CSMD1: variants seen among roughly 807,000 people sequenced by gnomAD.
CSMD1 encodes the protein CUB and sushi domain-containing protein 1.
In CSMD1, 213 loss-of-function variants were observed where a neutral mutation model predicts 417.5. That is an observed-to-expected ratio of 0.51 (90% CI 0.46 to 0.57). The LOEUF (loss-of-function observed/expected upper bound fraction) is 0.57. CSMD1 is among the 20% of genes least tolerant of loss of function. The pLI is 0.00. For synonymous variants in CSMD1, 2,862 were observed against 1,736.8 expected, an observed-to-expected ratio of 1.65 and a Z score of -16.11; for missense variants, 6,923 against 4,529.7, an observed-to-expected ratio of 1.53 and a Z score of -15.17.
intron 2 of CSMD1, among the ~76,000 whole-genome samples, chr8:4,516,543 G>T (rs1013904167): frequency 4.6e-5 from 7 of 152,046 alleles, no homozygotes; most frequent in Non-Finnish European, 1.0e-4. Flanking sequence ...TCCCCTGCTT[G>T]GTGTGGCCCC....
At chr8:4,622,592 G>C (rs553657260) in intron 2 of CSMD1, among the ~76,000 whole-genome samples, 3 of 152,146 alleles carry the variant, frequency 2.0e-5, no homozygotes, top group African/African-American at 7.2e-5. Flanking sequence ...TGTGTACAAG[G>C]TTTGGTTTCG....
At chr8:4,761,138 C>T (rs79955679) in intron 1 of CSMD1, among the ~76,000 whole-genome samples, 20 of 151,812 alleles carry the variant, frequency 1.3e-4, no homozygotes, top group East Asian at 3.9e-4. Flanking sequence ...GTCTTCTACA[C>T]GTAAAGGAAA....
At position 3,187,980 on chromosome 8, in the gene CSMD1, C is replaced by T. The variant is rs375151073; in HGVS notation, c.5524-15G>A. The T allele has an allele frequency of 6.5e-5, 105 of 1,605,494 alleles. 1 individual carries two copies. In the African/African-American group the frequency reaches 1.1e-3, roughly 17 times the overall value. Reference sequence around the variant, plus strand: ...ATCACTTGGATCTACCAAACCATGACATTAAGTTAATATTTATTTTTGGCT... The same window carrying T: ...ATCACTTGGATCTACCAAACCATGATATTAAGTTAATATTTATTTTTGGCT... On this transcript the variant is annotated splice_polypyrimidine_tract_variant and intron_variant, in intron 35 of 69. Transcript: ENST00000635120.
At chr8:4,457,820 C>A (rs1799578860) in intron 2 of CSMD1, among the ~76,000 whole-genome samples, 1 of 152,092 alleles carries the variant, frequency 6.6e-6, no homozygotes, top group Non-Finnish European at 1.5e-5. Flanking sequence ...ACCTCAGCAC[C>A]CTTGCAGACA....
intron 26 of CSMD1, among the ~76,000 whole-genome samples, chr8:3,258,856 C>T (rs1322773151): frequency 6.6e-6 from 1 of 152,294 alleles, no homozygotes; most frequent in South Asian, 2.1e-4. Context: ...AAACCAAATA[C>T]TGCATGTTTT....
intron 1 of CSMD1, among the ~76,000 whole-genome samples, chr8:4,711,573 A>C (rs12680757): frequency 0.28 from 42,623 of 151,954 alleles, 7,294 homozygotes; most frequent in Non-Finnish European, 0.38. Flanking sequence ...AGAAATTTGA[A>C]AAAAAAATAT....
intron 3 of CSMD1, among the ~76,000 whole-genome samples, chr8:4,252,134 T>TC (rs1803123837): frequency 6.6e-6 from 1 of 152,148 alleles, no homozygotes; most frequent in South Asian, 2.1e-4. Flanking sequence ...ACACACAATT[T>TC]CAGTTTTGTT....
intron 3 of CSMD1, among the ~76,000 whole-genome samples, chr8:4,120,561 G>A (rs117217254): frequency 4.6e-5 from 7 of 152,282 alleles, no homozygotes; most frequent in South Asian, 2.1e-4. Flanking sequence ...CAAAACTGGC[G>A]ACCGGGAGGC....
chr8:4,339,658 T>A (rs758337128), intron 3 of CSMD1, among the ~76,000 whole-genome samples: 8 of 152,104 alleles, frequency 5.3e-5, no homozygotes, highest in Admixed American at 2.0e-4. Context: ...GATGATTCAA[T>A]ATGTTATGTT....
chr8:4,512,850 G>A (rs183729335), intron 2 of CSMD1, among the ~76,000 whole-genome samples: 11 of 151,556 alleles, frequency 7.3e-5, no homozygotes, highest in African/African-American at 2.7e-4. Flanking sequence ...CTGTCAAGTT[G>A]TCAGCTCTTT....
In CSMD1 at chr8:3,099,641, G is replaced by C. The variant is rs138005901; in HGVS notation, c.6950-2604C>G. Among the ~76,000 whole-genome samples the C allele has an allele frequency of 1.5e-3, 222 of 152,318 alleles. 1 individual carries two copies. Among genetic ancestry groups the C allele is most frequent in the African/African-American group, 5.0e-3 (208 of 41,578 alleles). On this transcript the variant is annotated intron_variant, in intron 46 of 69. Transcript: ENST00000635120. ...GGAACTTCAGGCCATCTGGAAGTAA[G>C]AAACCTTTACTGAGTTGCTAAAATC... is the stretch of plus-strand genomic sequence containing the variant.
intron 5 of CSMD1, among the ~76,000 whole-genome samples, chr8:3,935,900 C>A (rs1334599447): frequency 6.6e-6 from 1 of 152,156 alleles, no homozygotes; most frequent in African/African-American, 2.4e-5. Context: ...AAAGATGAGA[C>A]AGGCTGAAAA....
chr8:3,278,613 T>C (rs1379903021), intron 26 of CSMD1: 2 of 152,104 alleles, frequency 1.3e-5, no homozygotes, highest in African/African-American at 2.4e-5. Flanking sequence ...TAGCATGGTT[T>C]ATGAATCACA....
chr8:4,727,986 T>G (rs1036229591), intron 1 of CSMD1, among the ~76,000 whole-genome samples: 2 of 145,114 alleles, frequency 1.4e-5, no homozygotes, highest in East Asian at 3.9e-4. Flanking sequence ...TGTATATATA[T>G]ACAAAATATA....
intron 5 of CSMD1, among the ~76,000 whole-genome samples, chr8:3,764,807 C>T (rs1285997211): frequency 1.3e-5 from 2 of 148,774 alleles, no homozygotes; most frequent in African/African-American, 5.0e-5. Flanking sequence ...AGTGCAGGGG[C>T]ACCATCTTGG....
intron 18 of CSMD1, among the ~76,000 whole-genome samples, chr8:3,371,731 C>T (rs1296009329): frequency 3.3e-5 from 5 of 152,182 alleles, no homozygotes; most frequent in Non-Finnish European, 5.9e-5. Context: ...AACAAATCAT[C>T]TCCTTTAATA....
At position 4,609,338 on chromosome 8, in the gene CSMD1, T is replaced by C. The variant is rs1801047428; in HGVS notation, c.302+28004A>G. Among the ~76,000 whole-genome samples the C allele has an allele frequency of 2.6e-5, 4 of 152,080 alleles. 1 individual carries two copies. Among genetic ancestry groups the C allele is most frequent in the Admixed American group, 1.3e-4 (2 of 15,272 alleles). ...ATTGCTGGAGCCTGGGAGGCAGAGG[T>C]TGTAGTGAGCCGAGACTGCGTGACT... On this transcript the variant is annotated intron_variant, in intron 2 of 69. Coordinates refer to ENST00000635120, the MANE Select transcript of CSMD1 (RefSeq NM_033225.6).
At chr8:4,609,245 G>A (rs1183818000) in intron 2 of CSMD1, among the ~76,000 whole-genome samples, 2 of 152,074 alleles carry the variant, frequency 1.3e-5, no homozygotes, top group Admixed American at 6.5e-5. Context: ...ACAAAAAAAT[G>A]AAAAACTTAG....
At chr8:3,507,137 T>A (rs932396469) in intron 10 of CSMD1, among the ~76,000 whole-genome samples, 7 of 152,168 alleles carry the variant, frequency 4.6e-5, no homozygotes, top group African/African-American at 1.7e-4. Flanking sequence ...AAACAGAATT[T>A]ACATAGTGGA....
Sources: gnomAD v4.1 joint callset for allele counts (sites outside exome capture counted in the v4.1 genomes callset) on GRCh38, gnomAD v4.1.1 for gene constraint, MANE v1.5 for transcripts, NCBI Gene and HGNC (gene_info 2026-07-23, HGNC 2026-07-21) for gene names.